The following CDC42BPA variants were observed in gnomAD, a reference collection of about 807,000 sequenced individuals.
The protein encoded by CDC42BPA is CDC42 binding protein kinase alpha.
Under a neutral mutation model 223.5 loss-of-function variants are expected in CDC42BPA, and 80 were observed. The observed-to-expected ratio is 0.36, with a 90% CI of 0.30 to 0.43. The LOEUF is 0.43. CDC42BPA is among the 20% of genes least tolerant of loss of function. CDC42BPA has a pLI of 1.00. For synonymous variants in CDC42BPA, 694 were observed against 718.6 expected, an observed-to-expected ratio of 0.97 and a Z score of 0.55; for missense variants, 1,743 against 2,099.9, an observed-to-expected ratio of 0.83 and a Z score of 3.32.
At chr1:227,005,288 C>T (rs1663781307) in intron 34 of CDC42BPA, among the ~76,000 whole-genome samples, 177 bp from the exon 35 acceptor site, 5 of 152,292 alleles carry the variant, frequency 3.3e-5, no homozygotes, top group Admixed American at 3.3e-4. Context: ...AAAACCCTAA[C>T]ATGAAGTAAA....
Position 227,317,833 on chromosome 1 carries a change from G to A in CDC42BPA, c.-651C>T, listed in dbSNP as rs954382021. The A allele has an allele frequency of 5.0e-6, 2 of 398,578 alleles. No homozygotes were observed. The highest frequency in any genetic ancestry group is 2.1e-5 in the African/African-American group (1 of 48,660). 24.7% of individuals were successfully genotyped at this position (398,578 alleles called of 1,614,324 possible). A position where few individuals can be genotyped will look rare whatever the true frequency, so the allele number is the denominator to read the frequency against. On this transcript the variant is annotated 5_prime_UTR_variant, in exon 1 of 37. Transcript: ENST00000366766. ...GCACGCCAAGTCTTGCCCGGAGGCG[G>A]CTTTTCGTTTCTCCTCCCGAGGTCC...
At chr1:227,134,382 A>G (rs915892132) in intron 10 of CDC42BPA, among the ~76,000 whole-genome samples, 7 of 152,200 alleles carry the variant, frequency 4.6e-5, no homozygotes, top group African/African-American at 1.4e-4. Context: ...CTGAACTTAA[A>G]TAACTTGGAA....
intron 1 of CDC42BPA, among the ~76,000 whole-genome samples, chr1:227,264,202 T>C (rs1386082235): frequency 6.6e-6 from 1 of 152,232 alleles, no homozygotes; most frequent in African/African-American, 2.4e-5. Flanking sequence ...GGATGTTATT[T>C]CACAGGCAAT....
intron 23 of CDC42BPA, among the ~76,000 whole-genome samples, chr1:227,043,914 G>A (rs1258235466): frequency 6.6e-6 from 1 of 152,030 alleles, no homozygotes; most frequent in Non-Finnish European, 1.5e-5. Flanking sequence ...TACAGCTTAC[G>A]TATGACTCTA....
chr1:227,217,332 AG>A (rs1558789108), intron 2 of CDC42BPA, among the ~76,000 whole-genome samples: 45 of 152,016 alleles, frequency 3.0e-4, no homozygotes, highest in Admixed American at 4.6e-4. Flanking sequence ...CTGTAGTCCC[AG>A]CTACTAGGGA....
chr1:227,155,843 G>C (rs148011489), intron 6 of CDC42BPA, among the ~76,000 whole-genome samples: 1,729 of 152,236 alleles, frequency 0.011, 34 homozygotes, highest in African/African-American at 0.037. Flanking sequence ...AATTACATTG[G>C]GAGGATAGAG....
chr1:227,225,657 TGAC>T (rs1191272697), intron 2 of CDC42BPA, among the ~76,000 whole-genome samples: 1 of 152,238 alleles, frequency 6.6e-6, no homozygotes, highest in East Asian at 1.9e-4. Flanking sequence ...ATTCATCTCC[TGAC>T]TTTATTCTTG....
At chr1:227,316,969 AAAGATT>A (rs771063589) in intron 1 of CDC42BPA, 30 bp downstream of exon 1, 7 of 1,488,588 alleles carry the variant, frequency 4.7e-6, no homozygotes, top group Middle Eastern at 1.7e-4. Context: ...ATGACCAGCT[AAAGATT>A]AACAGTTTCT....
chr1:227,021,757 C>T (rs1305298766), intron 32 of CDC42BPA, among the ~76,000 whole-genome samples: 6 of 151,814 alleles, frequency 4.0e-5, no homozygotes, highest in South Asian at 2.1e-4. Flanking sequence ...CGGTGGCTCA[C>T]GCCTGTAATC....
chr1:227,033,213 A>C (rs1669631139), intron 27 of CDC42BPA, 121 bp downstream of exon 27: 1 of 614,068 alleles, frequency 1.6e-6, no homozygotes, highest in Admixed American at 2.8e-5. Flanking sequence ...ATGATATGGA[A>C]TATATAAAAG....
At chr1:227,135,308 TCAGA>T (rs2149567676) in intron 10 of CDC42BPA, among the ~76,000 whole-genome samples, 1 of 152,226 alleles carries the variant, frequency 6.6e-6, no homozygotes, top group South Asian at 2.1e-4. Flanking sequence ...CTTTGAAAAG[TCAGA>T]CAGAAATCTC....
intron 2 of CDC42BPA, chr1:227,234,520 TG>T (rs1255164832): frequency 1.3e-5 from 2 of 152,260 alleles, no homozygotes; most frequent in Admixed American, 6.5e-5. Flanking sequence ...AGATGTCTGC[TG>T]AAAACTGCTC....
intron 35 of CDC42BPA, among the ~76,000 whole-genome samples, chr1:226,997,567 G>A (rs1460430915): frequency 6.6e-6 from 1 of 152,062 alleles, no homozygotes; most frequent in Non-Finnish European, 1.5e-5. Flanking sequence ...GATCTTTCCC[G>A]CTTTCTCCTG....
intron 1 of CDC42BPA, among the ~76,000 whole-genome samples, chr1:227,278,941 C>G (rs571460814): frequency 6.6e-6 from 1 of 151,282 alleles, no homozygotes; most frequent in African/African-American, 2.4e-5. Flanking sequence ...AAGTTACATT[C>G]TTTTCTTCAG....
chr1:227,029,290 T>C (rs958635581), intron 29 of CDC42BPA, 40 bp from the exon 30 acceptor site: 5 of 1,321,400 alleles, frequency 3.8e-6, no homozygotes, highest in African/African-American at 3.0e-5. Flanking sequence ...TATAGTTTTA[T>C]TGATTAATCA....
intron 10 of CDC42BPA, among the ~76,000 whole-genome samples, chr1:227,137,340 C>T (rs988205770): frequency 6.6e-6 from 1 of 152,066 alleles, no homozygotes; most frequent in African/African-American, 2.4e-5. Flanking sequence ...ACCAGAATGG[C>T]TACAAGTGAA....
Position 226,993,795 on chromosome 1 carries a change from A to G in CDC42BPA, c.*473T>C, listed in dbSNP as rs1477742491. The G allele has an allele frequency of 6.4e-6, 1 of 155,046 alleles. No individual in the cohort carries two copies. Among genetic ancestry groups the G allele is most frequent in the East Asian group, 1.9e-4 (1 of 5,214 alleles). The allele number at this position is 155,046 out of a possible 1,614,324, so 9.6% of individuals were successfully genotyped here. A position where few individuals can be genotyped will look rare whatever the true frequency, so the allele number is the denominator to read the frequency against. On this transcript the variant is annotated 3_prime_UTR_variant, in exon 37 of 37. Coordinates refer to ENST00000366766, the MANE Select transcript of CDC42BPA (RefSeq NM_001394014.1). ...AATTCATAAGGATTTCCTGGCAACA[A>G]TCAGGTTGATACTCACTGCGTTTGC...
intron 6 of CDC42BPA, among the ~76,000 whole-genome samples, chr1:227,151,430 G>A (rs970721617): frequency 6.6e-6 from 1 of 152,082 alleles, no homozygotes; most frequent in Non-Finnish European, 1.5e-5. Context: ...GAACAATGCT[G>A]CTCTAAAAAT....
chr1:227,128,189 T>TGAACACCTGGGGCACACCTGGG (rs1656245909), intron 11 of CDC42BPA, among the ~76,000 whole-genome samples: 1 of 152,196 alleles, frequency 6.6e-6, no homozygotes, highest in Non-Finnish European at 1.5e-5. Context: ...GGGGCACATT[T>TGAACACCTGGGGCACACCTGGG]GATTTTAGAG....
Sources: allele counts gnomAD v4.1 joint callset (sites outside exome capture counted in the v4.1 genomes callset), GRCh38; gene constraint gnomAD v4.1.1; transcripts MANE v1.5; gene names NCBI Gene and HGNC (gene_info 2026-07-23, HGNC 2026-07-21).